ALKBH3: variants seen among roughly 807,000 people sequenced by gnomAD.
The protein encoded by ALKBH3 is alkB homolog 3, alpha-ketoglutarate dependent dioxygenase.
In ALKBH3, 51 loss-of-function variants were observed where a neutral mutation model predicts 43.9. That is an observed-to-expected ratio of 1.16 (90% confidence interval 0.93 to 1.47). ALKBH3 has a LOEUF of 1.47. ALKBH3 is among the 40% of genes most tolerant of loss of function. The pLI, the probability that ALKBH3 is intolerant of heterozygous loss-of-function variation, is 0.00. For synonymous variants in ALKBH3, 102 were observed against 115.2 expected (o/e 0.89, Z 0.73); for missense variants, 361 against 351.9 (o/e 1.03, Z -0.21).
chr11:43,900,290 C>G (rs982476547), intron 7 of ALKBH3, among the ~76,000 whole-genome samples: 1 of 124,652 alleles, frequency 8.0e-6, no homozygotes, highest in Admixed American at 1.1e-4. Context: ...GTGGCACAGT[C>G]TCAGCTCACT....
rs575548759 is a variant in ALKBH3, at chr11:43,882,741, T to C, written c.79+10T>C. The C allele has an allele frequency of 1.9e-6, 3 of 1,609,030 alleles. No individual in the cohort carries two copies. The highest frequency in any genetic ancestry group is 1.7e-5 in the Admixed American group (1 of 58,618). ...GCCATTGCTCAGCCAGGCAAGAATC[T>C]GTAGGGATTTTGTGTGTGTGTGGAT... is the stretch of plus-strand genomic sequence containing the variant. On this transcript the variant is annotated intron_variant, in intron 2 of 9. Coordinates refer to ENST00000302708, the MANE Select transcript of ALKBH3 (RefSeq NM_139178.4).
At chr11:43,912,808 A>G (rs1035012143) in intron 8 of ALKBH3, among the ~76,000 whole-genome samples, 4 of 152,234 alleles carry the variant, frequency 2.6e-5, no homozygotes, top group South Asian at 2.1e-4. Flanking sequence ...AATTACTGCA[A>G]TAAAACAGTT....
chr11:43,903,737 A>G, intron 8 of ALKBH3, among the ~76,000 whole-genome samples: 1 of 152,110 alleles, frequency 6.6e-6, no homozygotes, highest in East Asian at 1.9e-4. Flanking sequence ...ATTCACCACC[A>G]CCATGCCCCT....
intron 7 of ALKBH3, among the ~76,000 whole-genome samples, chr11:43,900,452 G>A (rs962688444): frequency 2.0e-5 from 3 of 151,866 alleles, no homozygotes; most frequent in African/African-American, 7.3e-5. Context: ...TTGAACTCCC[G>A]ACCTCGTGAT....
rs1951836011 is a variant in ALKBH3 at position 43,898,489 on chromosome 11, T to A, written c.460-3027T>A. On this transcript the variant is annotated intron_variant, in intron 7 of 9. Transcript: ENST00000302708. The stretch of plus-strand genomic sequence containing the variant: ...GCTGGGGCAGATGGACACCAACGGC[T>A]TGGTGAGAGCACTCGGGGAGGAAGC... The A allele has an allele frequency of 3.1e-6, 3 of 954,496 alleles. No homozygotes were observed. The Admixed American group carries it at 5.2e-5, about 17-fold the overall frequency. The allele number at this position is 954,496 out of a possible 1,614,324, so 59.1% of individuals were successfully genotyped here.
intron 7 of ALKBH3, among the ~76,000 whole-genome samples, chr11:43,899,862 G>A (rs1264236559): frequency 2.2e-5 from 3 of 138,348 alleles, no homozygotes; most frequent in South Asian, 2.4e-4. Flanking sequence ...AAAGATTGAC[G>A]TGGTCTCAGG....
intron 4 of ALKBH3, among the ~76,000 whole-genome samples, chr11:43,885,966 G>T (rs1315570099): frequency 6.6e-6 from 1 of 152,188 alleles, no homozygotes; most frequent in Non-Finnish European, 1.5e-5. Flanking sequence ...CAAAGCTGGA[G>T]GTGGATTGGA....
At chr11:43,910,521 G>A (rs1230722081) in intron 8 of ALKBH3, 2 of 152,174 alleles carry the variant, frequency 1.3e-5, no homozygotes, top group Admixed American at 1.3e-4. Context: ...ACCCTGTAAT[G>A]ATAAAATCAG....
chr11:43,912,954 A>T (rs1207267244), intron 8 of ALKBH3, among the ~76,000 whole-genome samples: 1 of 152,070 alleles, frequency 6.6e-6, no homozygotes, highest in Non-Finnish European at 1.5e-5. Flanking sequence ...TAATACATGG[A>T]ACAGGCTATG....
intron 8 of ALKBH3, among the ~76,000 whole-genome samples, chr11:43,906,994 G>A (rs1951900298): frequency 6.6e-6 from 1 of 152,182 alleles, no homozygotes; most frequent in South Asian, 2.1e-4. Flanking sequence ...AGATGCTATG[G>A]TGACTTTTCA....
intron 4 of ALKBH3, 113 bp downstream of exon 4, chr11:43,884,130 C>G: frequency 7.9e-7 from 1 of 1,273,266 alleles, no homozygotes; most frequent in Non-Finnish European, 1.1e-6. Context: ...AGTGTCTTAA[C>G]TGTAGTCTGG....
intron 8 of ALKBH3, among the ~76,000 whole-genome samples, chr11:43,913,842 A>G (rs949791389): frequency 1.3e-5 from 2 of 152,236 alleles, no homozygotes; most frequent in Admixed American, 1.3e-4. Context: ...ACTTGTTTAA[A>G]TTGCCCAGTG....
chr11:43,899,346 G>A, intron 7 of ALKBH3: 2 of 696,440 alleles, frequency 2.9e-6, no homozygotes, highest in South Asian at 1.4e-5. Flanking sequence ...ATGCCCGTGT[G>A]CACCATCAGC....
At chr11:43,908,600 C>A (rs1399634876) in intron 8 of ALKBH3, among the ~76,000 whole-genome samples, 1 of 152,190 alleles carries the variant, frequency 6.6e-6, no homozygotes, top group Admixed American at 6.5e-5. Context: ...GAATGTTCAT[C>A]ACATGATCTC....
intron 6 of ALKBH3, among the ~76,000 whole-genome samples, chr11:43,890,895 CA>C: frequency 6.6e-6 from 1 of 152,238 alleles, no homozygotes; most frequent in East Asian, 1.9e-4. Flanking sequence ...ATAGTATGTG[CA>C]TATAACCTAT....
chr11:43,908,393 AAC>A (rs1951911516), intron 8 of ALKBH3, among the ~76,000 whole-genome samples: 1 of 152,182 alleles, frequency 6.6e-6, no homozygotes, highest in South Asian at 2.1e-4. Flanking sequence ...TTCTGGTATT[AAC>A]AGATGGCTGG....
intron 8 of ALKBH3, chr11:43,912,145 A>AT (rs397744907): frequency 6.6e-6 from 1 of 152,262 alleles, no homozygotes; most frequent in Non-Finnish European, 1.5e-5. Flanking sequence ...CAAACAAAAA[A>AT]CAAGAAGGGA....
chr11:43,883,211 A>C (rs1317639928), intron 3 of ALKBH3, 23 bp downstream of exon 3: 3 of 1,576,022 alleles, frequency 1.9e-6, no homozygotes, highest in Non-Finnish European at 2.6e-6. Context: ...TTTTTTCTTC[A>C]ATAGTGATAA....
chr11:43,887,529 C>T (rs145069249), intron 5 of ALKBH3, among the ~76,000 whole-genome samples: 49 of 152,090 alleles, frequency 3.2e-4, no homozygotes, highest in African/African-American at 1.0e-3. Context: ...AGGCTGGTCT[C>T]GAACTCCTGA....
Sources: allele counts gnomAD v4.1 joint callset (sites outside exome capture counted in the v4.1 genomes callset), GRCh38; gene constraint gnomAD v4.1.1; transcripts MANE v1.5; gene names NCBI Gene and HGNC (gene_info 2026-07-23, HGNC 2026-07-21).